The following PRKCA variants were observed in gnomAD, a reference collection of about 807,000 sequenced individuals.
PRKCA encodes protein kinase C alpha type.
PRKCA carries 27 observed loss-of-function variants against 87.0 expected under a neutral mutation model. The ratio of observed to expected loss-of-function variants is 0.31; its 90% CI spans 0.23 to 0.43. PRKCA has a LOEUF of 0.43. Among genes scored for constraint, PRKCA ranks in the 20% least tolerant of loss-of-function variants. PRKCA has a pLI of 1.00. For missense variants in PRKCA, 518 were observed against 852.3 expected (o/e 0.61, Z 4.88); for synonymous variants, 329 against 311.1 (o/e 1.06, Z -0.61).
chr17:66,581,625 G>A (rs1318006465), intron 3 of PRKCA, among the ~76,000 whole-genome samples: 1 of 151,898 alleles, frequency 6.6e-6, no homozygotes, highest in Admixed American at 6.6e-5. Context: ...ACAGGCACCC[G>A]CCACCACGCC....
intron 3 of PRKCA, among the ~76,000 whole-genome samples, chr17:66,544,899 A>G (rs1275174564): frequency 6.6e-6 from 1 of 152,154 alleles, no homozygotes; most frequent in African/African-American, 2.4e-5. Flanking sequence ...GACCACCAAT[A>G]TCATTTTTTA....
intron 3 of PRKCA, among the ~76,000 whole-genome samples, chr17:66,591,319 A>AT (rs5821514): frequency 0.31 from 44,584 of 145,986 alleles, 6,803 homozygotes; most frequent in South Asian, 0.37. Context: ...TGCCCAGCTA[A>AT]TTTTTTTTTT....
chr17:66,357,078 T>C (rs1183341392), intron 2 of PRKCA, among the ~76,000 whole-genome samples: 6 of 152,190 alleles, frequency 3.9e-5, no homozygotes, highest in Non-Finnish European at 7.3e-5. Context: ...TTCTTTGGGG[T>C]CCAGAAATCT....
chr17:66,575,052 T>C (rs2143418824), intron 3 of PRKCA, among the ~76,000 whole-genome samples: 1 of 152,356 alleles, frequency 6.6e-6, no homozygotes, highest in Admixed American at 6.5e-5. Flanking sequence ...GAATTGCCGG[T>C]GTCACCACTC....
At chr17:66,347,290 T>A (rs12952360) in intron 2 of PRKCA, among the ~76,000 whole-genome samples, 73,810 of 152,058 alleles carry the variant, frequency 0.49, 20,944 homozygotes, top group Non-Finnish European at 0.64. Flanking sequence ...TAAAACATAG[T>A]TGGACTCTCA....
At chr17:66,476,421 C>T (rs1163330491) in intron 2 of PRKCA, among the ~76,000 whole-genome samples, 1 of 152,178 alleles carries the variant, frequency 6.6e-6, no homozygotes, top group Non-Finnish European at 1.5e-5. Flanking sequence ...TACGGAAGAG[C>T]TTGGGCTCAG....
chr17:66,659,726 G>A (rs1895354847), intron 5 of PRKCA, among the ~76,000 whole-genome samples: 2 of 152,100 alleles, frequency 1.3e-5, no homozygotes, highest in Admixed American at 6.6e-5. Flanking sequence ...GGGTAGCAGA[G>A]TGAGACTCCG....
intron 2 of PRKCA, among the ~76,000 whole-genome samples, chr17:66,454,597 A>C (rs952566273): frequency 2.6e-5 from 4 of 152,182 alleles, no homozygotes; most frequent in African/African-American, 9.7e-5. Context: ...ATCATGGCGG[A>C]AGGTGAAAGG....
intron 2 of PRKCA, among the ~76,000 whole-genome samples, chr17:66,484,887 T>C (rs1377599369): frequency 6.6e-6 from 1 of 152,138 alleles, no homozygotes; most frequent in Admixed American, 6.5e-5. Context: ...TTTCTCACTG[T>C]TGAAATTGAG....
chr17:66,623,240 G>C (rs897274451), intron 3 of PRKCA, among the ~76,000 whole-genome samples: 8 of 152,178 alleles, frequency 5.3e-5, no homozygotes, highest in African/African-American at 1.7e-4. Flanking sequence ...AGTATCACTT[G>C]ATTATTCCAT....
At chr17:66,786,060 C>T (rs1272715934) in intron 14 of PRKCA, among the ~76,000 whole-genome samples, 1 of 152,158 alleles carries the variant, frequency 6.6e-6, no homozygotes, top group Non-Finnish European at 1.5e-5. Flanking sequence ...GATCACCTGC[C>T]CTTGTGATCC....
At chr17:66,667,419 GTGGAATC>G (rs1972070418) in intron 5 of PRKCA, among the ~76,000 whole-genome samples, 1 of 152,202 alleles carries the variant, frequency 6.6e-6, no homozygotes, top group African/African-American at 2.4e-5. Context: ...TACAATCATG[GTGGAATC>G]TTCACATGGC....
intron 2 of PRKCA, among the ~76,000 whole-genome samples, chr17:66,349,147 T>G (rs1403605716): frequency 6.6e-6 from 1 of 152,128 alleles, no homozygotes; most frequent in African/African-American, 2.4e-5. Flanking sequence ...TGTCCATAAT[T>G]TGAGAGTCAG....
intron 3 of PRKCA, among the ~76,000 whole-genome samples, chr17:66,573,928 C>T (rs1050034083): frequency 6.6e-6 from 1 of 152,140 alleles, no homozygotes; most frequent in Non-Finnish European, 1.5e-5. Context: ...GAGTTTGAAA[C>T]CAGCCTGGGT....
intron 2 of PRKCA, among the ~76,000 whole-genome samples, chr17:66,383,076 T>C (rs2143597753): frequency 1.3e-5 from 2 of 152,244 alleles, no homozygotes; most frequent in African/African-American, 4.8e-5. Flanking sequence ...AATTTTGTAA[T>C]TTTCAAAATT....
intron 13 of PRKCA, among the ~76,000 whole-genome samples, chr17:66,750,987 A>G (rs1228259281): frequency 6.6e-6 from 1 of 152,174 alleles, no homozygotes; most frequent in Non-Finnish European, 1.5e-5. Flanking sequence ...CAGGCCTGTT[A>G]TTGGCTTTCA....
At chr17:66,551,590 T>C (rs1487032151) in intron 3 of PRKCA, among the ~76,000 whole-genome samples, 1 of 152,216 alleles carries the variant, frequency 6.6e-6, no homozygotes, top group African/African-American at 2.4e-5. Context: ...CCCATCACTT[T>C]TGCTATATTC....
At chr17:66,645,845 G>A (rs567843693) in intron 5 of PRKCA, among the ~76,000 whole-genome samples, 4 of 152,328 alleles carry the variant, frequency 2.6e-5, no homozygotes, top group African/African-American at 9.6e-5. Flanking sequence ...TCAAAATGCT[G>A]TTGGAGGGAA....
chr17:66,567,962 G>T (rs1038340068), intron 3 of PRKCA, among the ~76,000 whole-genome samples: 2 of 152,124 alleles, frequency 1.3e-5, no homozygotes, highest in Non-Finnish European at 2.9e-5. Context: ...TTCTTAAACG[G>T]ATTATAAAAA....
Sources: gnomAD v4.1 joint callset for allele counts (sites outside exome capture counted in the v4.1 genomes callset) on GRCh38, gnomAD v4.1.1 for gene constraint, MANE v1.5 for transcripts, NCBI Gene and HGNC (gene_info 2026-07-23, HGNC 2026-07-21) for gene names.